The following FER variants were observed in gnomAD, a reference collection of about 807,000 sequenced individuals.
The protein encoded by FER is tyrosine-protein kinase Fer.
FER carries 63 observed loss-of-function variants against 111.0 expected under a neutral mutation model. The ratio of observed to expected loss-of-function variants is 0.57; its 90% confidence interval spans 0.46 to 0.70. The LOEUF is 0.70. Ranked by LOEUF, FER falls within the 30% of genes least tolerant of loss-of-function variation. The pLI is 0.00. For synonymous variants in FER, 327 were observed against 313.9 expected (o/e 1.04, Z -0.44); for missense variants, 914 against 954.0 (o/e 0.96, Z 0.55).
At chr5:108,997,124 G>A (rs569020731) in intron 13 of FER, among the ~76,000 whole-genome samples, 1 of 151,970 alleles carries the variant, frequency 6.6e-6, no homozygotes, top group African/African-American at 2.4e-5. Context: ...CTGAGACTTT[G>A]CTAAAGTTGC....
chr5:109,079,806 T>A (rs891806110), intron 16 of FER, among the ~76,000 whole-genome samples: 1 of 152,128 alleles, frequency 6.6e-6, no homozygotes, highest in Non-Finnish European at 1.5e-5. Context: ...TGCCCTGCAA[T>A]GTAGCTGTCA....
chr5:109,035,033 C>CTTTTTTTT (rs554716544), intron 13 of FER, among the ~76,000 whole-genome samples: 1 of 119,666 alleles, frequency 8.4e-6, no homozygotes, highest in Non-Finnish European at 1.7e-5. Context: ...AGAAATTGAA[C>CTTTTTTTT]TTTTTTTTTT....
At chr5:108,784,098 A>G (rs879577692) in intron 2 of FER, 4 of 154,380 alleles carry the variant, frequency 2.6e-5, no homozygotes, top group Non-Finnish European at 5.9e-5. Flanking sequence ...TGCCATCATC[A>G]TGACTGAGCA....
intron 5 of FER, among the ~76,000 whole-genome samples, chr5:108,864,274 G>T (rs1763813105): frequency 6.6e-6 from 1 of 152,086 alleles, no homozygotes; most frequent in African/African-American, 2.4e-5. Context: ...TCTGCCAGAA[G>T]GTTTGTTTCT....
chr5:109,058,243 A>G lies in FER; in HGVS notation c.1924+11045A>G, dbSNP rs561567273. On this transcript the variant is annotated intron_variant, in intron 16 of 19. Transcript: ENST00000281092. The stretch of plus-strand genomic sequence containing the variant: ...CTTCTAAGAGAAACCCATAGCTAAC[A>G]TTATATTTAATGAATGAATGACAAA... Among the ~76,000 whole-genome samples the G allele has an allele frequency of 9.8e-5, 15 of 152,286 alleles. No homozygotes were observed. The South Asian group carries it at 3.1e-3, about 32-fold the overall frequency.
intron 17 of FER, among the ~76,000 whole-genome samples, chr5:109,130,014 A>T (rs1383659044): frequency 7.2e-6 from 1 of 139,510 alleles, no homozygotes; most frequent in Non-Finnish European, 1.6e-5. Flanking sequence ...TTTCATATTT[A>T]TACATGAATA....
intron 2 of FER, among the ~76,000 whole-genome samples, chr5:108,783,306 A>G (rs1175208160): frequency 6.6e-6 from 1 of 152,022 alleles, no homozygotes; most frequent in Non-Finnish European, 1.5e-5. Flanking sequence ...TCATCTGGTT[A>G]TTTTTATAAC....
At chr5:109,122,955 C>G (rs1751176392) in intron 17 of FER, among the ~76,000 whole-genome samples, 1 of 151,830 alleles carries the variant, frequency 6.6e-6, no homozygotes, top group African/African-American at 2.4e-5. Context: ...ATATGTGTGT[C>G]TTTATGGATG....
At chr5:109,040,195 G>A (rs1394872872) in intron 14 of FER, among the ~76,000 whole-genome samples, 1 of 152,062 alleles carries the variant, frequency 6.6e-6, no homozygotes, top group Non-Finnish European at 1.5e-5. Flanking sequence ...TAAGTCTGGA[G>A]TTGGAGAAAA....
Position 108,892,313 on chromosome 5 carries a change from C to T in FER, c.1047-5346C>T, listed in dbSNP as rs1404176362. ...TAAAAGTGTTCCTGTTTCTCCACAT[C>T]CTCTCCAGCACCTGTTGTTTCCTGA... On this transcript the variant is annotated intron_variant, in intron 9 of 19. Transcript: ENST00000281092. 4.6e-5 allele frequency among the ~76,000 whole-genome samples: 7 copies of T among 152,312 alleles called. No individual in the cohort carries two copies. In the South Asian group the frequency reaches 6.2e-4, roughly 14 times the overall value.
At chr5:108,913,812 C>T (rs974412404) in intron 10 of FER, among the ~76,000 whole-genome samples, 17 of 152,050 alleles carry the variant, frequency 1.1e-4, no homozygotes, top group African/African-American at 2.4e-4. Flanking sequence ...TGGGATACTC[C>T]GCAGTAATGA....
intron 9 of FER, among the ~76,000 whole-genome samples, chr5:108,896,929 G>C (rs1749215331): frequency 6.6e-6 from 1 of 152,102 alleles, no homozygotes; most frequent in African/African-American, 2.4e-5. Flanking sequence ...GCTATTTCCA[G>C]AAGTATCTAC....
chr5:109,067,227 T>TTTGTTGTTGTTG (rs111663056), intron 16 of FER, among the ~76,000 whole-genome samples: 2,365 of 150,096 alleles, frequency 0.016, 31 homozygotes, highest in African/African-American at 0.041. Context: ...GAGTGACTGG[T>TTTGTTGTTGTTG]TTGTTGTTGT....
intron 3 of FER, among the ~76,000 whole-genome samples, chr5:108,825,045 G>A (rs1055399855): frequency 2.0e-5 from 3 of 152,012 alleles, no homozygotes; most frequent in African/African-American, 7.3e-5. Flanking sequence ...TACTTAACAG[G>A]GTAATAGAAT....
At chr5:108,785,437 C>A in intron 2 of FER, 1 of 581,040 alleles carries the variant, frequency 1.7e-6, no homozygotes, top group South Asian at 1.4e-5. Context: ...TTAGTACTGG[C>A]AGCAAGGCAG....
chr5:108,809,685 C>A (rs1757551543), intron 3 of FER, among the ~76,000 whole-genome samples: 1 of 152,154 alleles, frequency 6.6e-6, no homozygotes, highest in South Asian at 2.1e-4. Context: ...ATCTTAGCCT[C>A]CTGAGTAGCT....
At chr5:108,921,020 A>G (rs1752949197) in intron 10 of FER, among the ~76,000 whole-genome samples, 1 of 151,886 alleles carries the variant, frequency 6.6e-6, no homozygotes. Flanking sequence ...TCTCTTTTTA[A>G]TACTTATTCC....
At chr5:109,009,995 CAA>C (rs565900511) in intron 13 of FER, among the ~76,000 whole-genome samples, 3 of 152,264 alleles carry the variant, frequency 2.0e-5, no homozygotes, top group Admixed American at 2.0e-4. Flanking sequence ...AAGTAAGTAA[CAA>C]GACTAACTCA....
chr5:109,079,443 C>T (rs1160489542), intron 16 of FER, among the ~76,000 whole-genome samples: 1 of 152,098 alleles, frequency 6.6e-6, no homozygotes, highest in Non-Finnish European at 1.5e-5. Context: ...GAAGTGTGGA[C>T]TGAATTGATT....
Sources: gnomAD v4.1 joint callset for allele counts (sites outside exome capture counted in the v4.1 genomes callset) on GRCh38, gnomAD v4.1.1 for gene constraint, MANE v1.5 for transcripts, NCBI Gene and HGNC (gene_info 2026-07-23, HGNC 2026-07-21) for gene names.